The following RIMKLB variants were observed in gnomAD, a reference collection of about 807,000 sequenced individuals.
RIMKLB encodes ribosomal modification protein rimK like family member B.
A neutral mutation model predicts 32.0 loss-of-function variants in RIMKLB; 7 were observed. The ratio of observed to expected loss-of-function variants is 0.22; its 90% CI spans 0.12 to 0.41. RIMKLB has a LOEUF of 0.41. RIMKLB is among the 10% of genes least tolerant of loss of function. RIMKLB has a pLI of 1.00. For missense variants in RIMKLB, 289 were observed against 498.7 expected, an observed-to-expected ratio of 0.58 and a Z score of 4.00; for synonymous variants, 172 against 185.1, an observed-to-expected ratio of 0.93 and a Z score of 0.57.
intron 1 of RIMKLB, chr12:8,700,117 C>T (rs1376338634): frequency 6.6e-6 from 1 of 151,928 alleles, no homozygotes; most frequent in East Asian, 1.9e-4. Flanking sequence ...TTCTTTTTTC[C>T]CTTGTCATTC....
chr12:8,765,386 G>C (rs1056483462), intron 5 of RIMKLB, among the ~76,000 whole-genome samples: 2 of 152,112 alleles, frequency 1.3e-5, no homozygotes, highest in African/African-American at 4.8e-5. Flanking sequence ...TCTTTCCTCT[G>C]TTGTCATCCT....
chr12:8,672,325 C>T, the RIMKLB span, among the ~76,000 whole-genome samples: 5 of 152,192 alleles, frequency 3.3e-5, no homozygotes, highest in Non-Finnish European at 4.4e-5. Flanking sequence ...CATTTTCGGG[C>T]GTCTTTTCAG....
At chr12:8,719,087 G>C (rs913532989) in intron 2 of RIMKLB, among the ~76,000 whole-genome samples, 2 of 151,826 alleles carry the variant, frequency 1.3e-5, no homozygotes, top group African/African-American at 4.8e-5. Context: ...CCCATCTCTT[G>C]ACAACCACTG....
At chr12:8,738,815 A>G (rs962995164) in intron 2 of RIMKLB, among the ~76,000 whole-genome samples, 2 of 152,218 alleles carry the variant, frequency 1.3e-5, no homozygotes, top group African/African-American at 2.4e-5. Flanking sequence ...ATGTTACAAA[A>G]AGTGACTGGC....
In RIMKLB at chr12:8,702,907, C is replaced by T. The variant is rs190981902; in HGVS notation, c.-57+4610C>T. On this transcript the variant is annotated intron_variant, in intron 1 of 5. Coordinates refer to ENST00000535829, the MANE Select transcript of RIMKLB (RefSeq NM_001297776.2). ...AAATATGAAACTTGGGGACTTTGTACTGTGCATTAAACCTAGGAACTGTCT... is the reference window on the plus strand; with the variant it reads ...AAATATGAAACTTGGGGACTTTGTATTGTGCATTAAACCTAGGAACTGTCT... Among the ~76,000 whole-genome samples, 17 of 152,302 alleles carry T rather than the reference C, an allele frequency of 1.1e-4. No homozygotes were observed. The East Asian group carries it at 3.1e-3, about 28-fold the overall frequency.
At chr12:8,673,127 C>T in the RIMKLB span, among the ~76,000 whole-genome samples, 1 of 152,084 alleles carries the variant, frequency 6.6e-6, no homozygotes, top group Non-Finnish European at 1.5e-5. Context: ...GGTGATCTAC[C>T]TGCCTTGGCC....
At chr12:8,690,360 C>G (rs1004210462) in intron 1 of RIMKLB, among the ~76,000 whole-genome samples, 3 of 151,968 alleles carry the variant, frequency 2.0e-5, no homozygotes, top group Non-Finnish European at 4.4e-5. Flanking sequence ...AATGTATGTA[C>G]CATTATTTTT....
chr12:8,761,338 C>T (rs1338287960), intron 5 of RIMKLB, among the ~76,000 whole-genome samples: 5 of 147,854 alleles, frequency 3.4e-5, no homozygotes, highest in African/African-American at 1.2e-4. Flanking sequence ...AATAAACCTT[C>T]TTTGGATAGC....
intron 1 of RIMKLB, among the ~76,000 whole-genome samples, chr12:8,686,091 C>T (rs1289504443): frequency 6.6e-6 from 1 of 152,170 alleles, no homozygotes; most frequent in Non-Finnish European, 1.5e-5. Flanking sequence ...CAGGCATGAG[C>T]CACCGCGCCC....
At chr12:8,673,468 T>G in the RIMKLB span, among the ~76,000 whole-genome samples, 1 of 152,124 alleles carries the variant, frequency 6.6e-6, no homozygotes, top group South Asian at 2.1e-4. Flanking sequence ...TTACATAGTG[T>G]TAGCTGGGCT....
At chr12:8,712,013 T>C (rs944653813) in intron 1 of RIMKLB, among the ~76,000 whole-genome samples, 4 of 152,168 alleles carry the variant, frequency 2.6e-5, no homozygotes, top group Non-Finnish European at 5.9e-5. Context: ...TGGAAATCTC[T>C]TTTCAAGAAA....
chr12:8,782,863 G>C (rs1369952251), intron 7 of RIMKLB: 1 of 152,138 alleles, frequency 6.6e-6, no homozygotes, highest in African/African-American at 2.4e-5. Flanking sequence ...CCTGGTTATA[G>C]AGACTTTTAA....
chr12:8,759,590 T>C (rs926267507), intron 5 of RIMKLB, among the ~76,000 whole-genome samples: 1 of 152,190 alleles, frequency 6.6e-6, no homozygotes, highest in Non-Finnish European at 1.5e-5. Flanking sequence ...GTATTGCTCT[T>C]CATTATATTT....
At chr12:8,764,519 A>C (rs1473095810) in intron 5 of RIMKLB, among the ~76,000 whole-genome samples, 1 of 152,184 alleles carries the variant, frequency 6.6e-6, no homozygotes, top group Admixed American at 6.5e-5. Flanking sequence ...CCTCTCGGAT[A>C]GTGACAGATT....
In RIMKLB at chr12:8,747,553, G is replaced by C. The variant is rs763728038; in HGVS notation, c.176-2309G>C. Among the ~76,000 whole-genome samples, 7 of 152,208 alleles carry C rather than the reference G, an allele frequency of 4.6e-5. No individual in the cohort carries two copies. The South Asian group carries it at 1.5e-3, about 32-fold the overall frequency. ...TCTCCCACTAGAAAGCTTCTTGAGA[G>C]CAAGGACCTTATTTTATTTATTAAT... On this transcript the variant is annotated intron_variant, in intron 2 of 5. Coordinates refer to ENST00000535829, the MANE Select transcript of RIMKLB (RefSeq NM_001297776.2).
In RIMKLB at chr12:8,718,124, CAGCTAT is replaced by C. The variant is rs201732136; in HGVS notation, c.175+4084_175+4089del. ...TCCCACTGTAGTCAAACTACTGTGCCAGCTATTCCATTTCCTCTATGGAAATGGAAT... is the reference window on the plus strand; with the variant it reads ...TCCCACTGTAGTCAAACTACTGTGCCTCCATTTCCTCTATGGAAATGGAAT... On this transcript the variant is annotated intron_variant, in intron 2 of 5. Coordinates refer to ENST00000535829, the MANE Select transcript of RIMKLB (RefSeq NM_001297776.2). 5.9e-3 allele frequency among the ~76,000 whole-genome samples: 903 copies of C among 152,200 alleles called. 2 individuals carry two copies. Among genetic ancestry groups the C allele is most frequent in the Non-Finnish European group, 9.3e-3 (631 of 68,016 alleles).
intron 2 of RIMKLB, among the ~76,000 whole-genome samples, chr12:8,743,311 G>A (rs745932840): frequency 2.9e-5 from 4 of 137,608 alleles, no homozygotes; most frequent in African/African-American, 5.6e-5. Flanking sequence ...CTGAGATTGC[G>A]CCACTGCACT....
intron 2 of RIMKLB, among the ~76,000 whole-genome samples, chr12:8,739,126 T>C (rs1002349480): frequency 1.3e-5 from 2 of 152,198 alleles, no homozygotes; most frequent in Admixed American, 6.5e-5. Context: ...CAAATTACCA[T>C]AGACTGGATA....
intron 1 of RIMKLB, among the ~76,000 whole-genome samples, chr12:8,703,378 T>TA (rs2136741837): frequency 6.6e-6 from 1 of 152,350 alleles, no homozygotes; most frequent in African/African-American, 2.4e-5. Flanking sequence ...CAGGCTGAAG[T>TA]ACAGTAGTAT....
Sources: allele counts gnomAD v4.1 joint callset (sites outside exome capture counted in the v4.1 genomes callset), GRCh38; gene constraint gnomAD v4.1.1; transcripts MANE v1.5; gene names NCBI Gene and HGNC (gene_info 2026-07-23, HGNC 2026-07-21).